C14orf39: variants seen among roughly 807,000 people sequenced by gnomAD.
The protein encoded by C14orf39 is protein SIX6OS1.
C14orf39 carries 66 observed loss-of-function variants against 85.6 expected under a neutral mutation model. The ratio of observed to expected loss-of-function variants is 0.77; its 90% CI spans 0.63 to 0.95. The LOEUF is 0.95. Among genes scored for constraint, C14orf39 ranks in the 40% least tolerant of loss-of-function variants. The pLI is 0.00. For synonymous variants in C14orf39, 242 were observed against 214.0 expected (o/e 1.13, Z -1.14); for missense variants, 735 against 663.9 (o/e 1.11, Z -1.18).
At chr14:60,450,593 C>A (rs1161900104) in intron 16 of C14orf39, among the ~76,000 whole-genome samples, 1 of 152,204 alleles carries the variant, frequency 6.6e-6, no homozygotes, top group African/African-American at 2.4e-5. Flanking sequence ...GGGAACTAGC[C>A]ACCTGAAGGG....
intron 4 of C14orf39, among the ~76,000 whole-genome samples, chr14:60,480,993 A>G (rs1160320828): frequency 1.3e-5 from 2 of 152,206 alleles, no homozygotes; most frequent in African/African-American, 4.8e-5. Flanking sequence ...TGTTGATCAA[A>G]GAACACAAAG....
At position 60,471,415 on chromosome 14, in the gene C14orf39, A is replaced by G; in HGVS notation, c.554+2T>C. ...TATAAGTACAAATACTATTGTGGAT[A>G]CATGTTTAAAGTCCATTTAGTAAGT... On this transcript the variant is annotated splice_donor_variant, in intron 7 of 17. Coordinates refer to ENST00000321731, the MANE Select transcript of C14orf39 (RefSeq NM_174978.3). LOFTEE classifies it high-confidence loss of function. 6.3e-7 allele frequency: 1 copy of G among 1,585,170 alleles called. No homozygotes were observed. The highest frequency in any genetic ancestry group is 8.6e-7 in the Non-Finnish European group (1 of 1,163,952).
intron 16 of C14orf39, among the ~76,000 whole-genome samples, chr14:60,447,609 C>T (rs1363271132): frequency 2.6e-5 from 4 of 152,254 alleles, no homozygotes; most frequent in African/African-American, 4.8e-5. Flanking sequence ...GTGAAAATGG[C>T]CATACTGCCC....
At chr14:60,453,641 TG>T (rs375093192) in intron 16 of C14orf39, among the ~76,000 whole-genome samples, 93 of 151,962 alleles carry the variant, frequency 6.1e-4, no homozygotes, top group African/African-American at 2.2e-3. Flanking sequence ...TTCTACCTTG[TG>T]GGGTTGAATT....
In C14orf39 at chr14:60,471,616, T is replaced by A; in HGVS notation, c.447A>T (p.Gln149His). Residue 149 changes from glutamine (Q) to histidine (H), a missense_variant, in exon 6 of 18, where the codon CAA becomes CAT. Transcript: ENST00000321731. ...YEKKREHEEI[Q>H]SRVLACTEQL... ...GTTCAGTACATGCCAACACTCTGCT[T>A]TGAATTTCTTCATGTTCTCTTTTCT... 1 of 1,611,156 alleles carries A rather than the reference T, an allele frequency of 6.2e-7. No homozygotes were observed. Among genetic ancestry groups the A allele is most frequent in the Non-Finnish European group, 8.5e-7 (1 of 1,178,536 alleles).
chr14:60,466,937 G>T lies in C14orf39; in HGVS notation c.875C>A (p.Ser292Tyr). 6.7e-7 allele frequency: 1 copy of T among 1,484,310 alleles called. No individual in the cohort carries two copies. 91.9% of individuals were successfully genotyped at this position (1,484,310 alleles called of 1,614,324 possible). Residue 292 changes from serine (S) to tyrosine (Y), a missense_variant, in exon 10 of 18, where the codon TCT becomes TAT. Transcript: ENST00000321731. ...QKLVRPIKMH[S>Y]SEPRVADIKE... ...TATACCTGCAACTCTTGGTTCTGAA[G>T]AATGCATCTTTATTGGTCTTACTAA...
chr14:60,475,562 A>C (rs1417662878), intron 5 of C14orf39, among the ~76,000 whole-genome samples: 1 of 152,182 alleles, frequency 6.6e-6, no homozygotes, highest in Non-Finnish European at 1.5e-5. Flanking sequence ...TTTAAACTTC[A>C]GTATCCATAA....
chr14:60,463,327 A>C (rs1476240509), intron 11 of C14orf39, among the ~76,000 whole-genome samples: 1 of 152,054 alleles, frequency 6.6e-6, no homozygotes. Flanking sequence ...TATAGTATAC[A>C]TTGTGGATAC....
At chr14:60,475,476 TATGA>T (rs1178684017) in intron 5 of C14orf39, among the ~76,000 whole-genome samples, 1 of 152,190 alleles carries the variant, frequency 6.6e-6, no homozygotes, top group Non-Finnish European at 1.5e-5. Flanking sequence ...GCCCATGAAC[TATGA>T]ATGATTTTTA....
intron 5 of C14orf39, among the ~76,000 whole-genome samples, chr14:60,476,664 C>G (rs1341472898): frequency 6.6e-6 from 1 of 152,160 alleles, no homozygotes; most frequent in Non-Finnish European, 1.5e-5. Flanking sequence ...GCTTTAGCCT[C>G]TCACAGAATC....
intron 2 of C14orf39, among the ~76,000 whole-genome samples, chr14:60,497,094 C>G (rs758941390): frequency 6.6e-6 from 1 of 152,212 alleles, no homozygotes; most frequent in Non-Finnish European, 1.5e-5. Flanking sequence ...CCTCTGCAAT[C>G]CATCTTTATG....
intron 14 of C14orf39, 76 bp from the exon 15 acceptor site, chr14:60,457,171 G>A: frequency 1.1e-6 from 1 of 876,516 alleles, no homozygotes; most frequent in Admixed American, 3.0e-5. Context: ...TGCATGAGGT[G>A]GAAAATACCT....
intron 2 of C14orf39, among the ~76,000 whole-genome samples, chr14:60,492,492 G>A (rs1392995435): frequency 6.6e-6 from 1 of 151,930 alleles, no homozygotes; most frequent in East Asian, 1.9e-4. Flanking sequence ...ATGAAGTACG[G>A]GCCCGGCGCA....
At position 60,511,525 on chromosome 14, in the gene C14orf39, A is replaced by C. The variant is rs1893294384; in HGVS notation, c.-144+3870T>G. On this transcript the variant is annotated intron_variant, in intron 1 of 5. Coordinates refer to the C14orf39 transcript ENST00000556799. ...CTTTTTCCTAAGGATTTTGCTGCAA[A>C]GTCTCCTTCGGAACCCGAACTGCAA... is the stretch of plus-strand genomic sequence containing the variant. 4 of 572,582 alleles carry C rather than the reference A, an allele frequency of 7.0e-6. No homozygotes were observed. The Admixed American group carries it at 1.2e-4, about 17-fold the overall frequency. The allele number at this position is 572,582 out of a possible 1,614,324, so 35.5% of individuals were successfully genotyped here. A position where few individuals can be genotyped will look rare whatever the true frequency, so the allele number is the denominator to read the frequency against.
chr14:60,472,611 C>T (rs1236966123), intron 5 of C14orf39, among the ~76,000 whole-genome samples: 1 of 152,122 alleles, frequency 6.6e-6, no homozygotes, highest in African/African-American at 2.4e-5. Flanking sequence ...TCCATGTGTT[C>T]TCATTGTTCA....
At chr14:60,444,908 A>G (rs1890688817) in intron 16 of C14orf39, among the ~76,000 whole-genome samples, 1 of 152,228 alleles carries the variant, frequency 6.6e-6, no homozygotes, top group South Asian at 2.1e-4. Flanking sequence ...GTGGGGGCCA[A>G]TATTCAACAT....
rs1463589884 is a variant in C14orf39, at chr14:60,448,494, C to T, written c.1504-6363G>A. Among the ~76,000 whole-genome samples the T allele has an allele frequency of 3.9e-5, 6 of 152,238 alleles. No individual in the cohort carries two copies. The East Asian group carries it at 1.2e-3, about 29-fold the overall frequency. On this transcript the variant is annotated intron_variant, in intron 16 of 17. Coordinates refer to ENST00000321731, the MANE Select transcript of C14orf39 (RefSeq NM_174978.3). ...AACCACAATGAGATACTATCTCATG[C>T]TAGTTAGAATGGCAATTATTAAAAA...
chr14:60,455,245 G>C, intron 15 of C14orf39, 100 bp from the exon 16 acceptor site: 1 of 729,774 alleles, frequency 1.4e-6, no homozygotes, highest in Non-Finnish European at 2.2e-6. Context: ...AATTAGCATA[G>C]TAGGGAAATG....
At chr14:60,495,137 G>T in intron 2 of C14orf39, 1 of 221,770 alleles carries the variant, frequency 4.5e-6, no homozygotes, top group South Asian at 7.0e-5. Context: ...ATCTTACATT[G>T]GAACAGTCTC....
Sources: gnomAD v4.1 joint callset for allele counts (sites outside exome capture counted in the v4.1 genomes callset) on GRCh38, gnomAD v4.1.1 for gene constraint, MANE v1.5 for transcripts, NCBI Gene and HGNC (gene_info 2026-07-23, HGNC 2026-07-21) for gene names.